The following SLAIN1 variants were observed in gnomAD, a reference collection of about 807,000 sequenced individuals.
SLAIN1 encodes SLAIN family member 1, also known as SLAIN motif-containing protein 1.
A neutral mutation model predicts 55.4 loss-of-function variants in SLAIN1; 17 were observed. The ratio of observed to expected loss-of-function variants is 0.31; its 90% confidence interval spans 0.21 to 0.46. SLAIN1 has a LOEUF of 0.46. Among genes scored for constraint, SLAIN1 ranks in the 20% least tolerant of loss-of-function variants. SLAIN1 has a pLI of 1.00. For synonymous variants in SLAIN1, 348 were observed against 337.4 expected (o/e 1.03, Z -0.35); for missense variants, 682 against 785.1 (o/e 0.87, Z 1.57).
At chr13:77,757,841 C>A (rs1210593597) in intron 5 of SLAIN1, among the ~76,000 whole-genome samples, 1 of 152,008 alleles carries the variant, frequency 6.6e-6, no homozygotes, top group Non-Finnish European at 1.5e-5. Flanking sequence ...TTGATGGGCA[C>A]TTAGGTTGGT....
intron 2 of SLAIN1, among the ~76,000 whole-genome samples, chr13:77,720,015 C>G (rs11839976): frequency 2.6e-5 from 4 of 151,756 alleles, no homozygotes; most frequent in Non-Finnish European, 5.9e-5. Context: ...TGGCTGTTTT[C>G]TAAGGCAGAA....
At chr13:77,721,000 G>T (rs1021927921) in intron 2 of SLAIN1, among the ~76,000 whole-genome samples, 4 of 152,134 alleles carry the variant, frequency 2.6e-5, no homozygotes, top group African/African-American at 9.7e-5. Flanking sequence ...GGAGGCTGTA[G>T]TATTCATTCT....
chr13:77,723,233 G>A (rs1040204206), intron 2 of SLAIN1, among the ~76,000 whole-genome samples: 7 of 152,042 alleles, frequency 4.6e-5, no homozygotes, highest in African/African-American at 2.4e-5. Context: ...TTCAGGCAGC[G>A]CCCTATTCTC....
At chr13:77,711,206 C>G (rs1417081338) in intron 1 of SLAIN1, among the ~76,000 whole-genome samples, 1 of 151,854 alleles carries the variant, frequency 6.6e-6, no homozygotes, top group African/African-American at 2.4e-5. Context: ...CAAAAGCTAG[C>G]AGACAACAAG....
intron 5 of SLAIN1, among the ~76,000 whole-genome samples, chr13:77,753,842 T>C (rs1383393665): frequency 6.6e-6 from 1 of 152,198 alleles, no homozygotes; most frequent in Admixed American, 6.6e-5. Context: ...TTTTGTCTTT[T>C]TCCCCCTAAA....
intron 2 of SLAIN1, among the ~76,000 whole-genome samples, chr13:77,724,970 A>AT (rs1413040215): frequency 6.6e-6 from 1 of 152,172 alleles, no homozygotes; most frequent in Non-Finnish European, 1.5e-5. Context: ...TTGAATATAA[A>AT]TTGCCCAAGG....
intron 1 of SLAIN1, among the ~76,000 whole-genome samples, chr13:77,710,622 G>A (rs543574232): frequency 3.4e-4 from 52 of 152,276 alleles, no homozygotes; most frequent in Non-Finnish European, 6.0e-4. Flanking sequence ...AGGAGACTTA[G>A]ACTCCCACAC....
chr13:77,752,365 A>C (rs1183606892), intron 4 of SLAIN1, among the ~76,000 whole-genome samples: 2 of 141,756 alleles, frequency 1.4e-5, no homozygotes, highest in Non-Finnish European at 3.1e-5. Flanking sequence ...CTATAAGATT[A>C]TTTTCTAACT....
At chr13:77,750,005 G>A (rs1384517803) in intron 4 of SLAIN1, among the ~76,000 whole-genome samples, 1 of 152,136 alleles carries the variant, frequency 6.6e-6, no homozygotes, top group African/African-American at 2.4e-5. Flanking sequence ...GCTTGTGAAA[G>A]ATATTCTTGG....
chr13:77,737,142 G>T (rs891540047), intron 2 of SLAIN1, among the ~76,000 whole-genome samples: 1 of 151,786 alleles, frequency 6.6e-6, no homozygotes. Context: ...ATGTGCGATG[G>T]CATCAGTGTC....
At chr13:77,719,125 C>T (rs1485749382) in intron 1 of SLAIN1, among the ~76,000 whole-genome samples, 1 of 152,038 alleles carries the variant, frequency 6.6e-6, no homozygotes, top group Non-Finnish European at 1.5e-5. Context: ...TTGTTTGTCA[C>T]ATCATGTTTA....
At chr13:77,734,711 G>T (rs1374049523) in intron 2 of SLAIN1, among the ~76,000 whole-genome samples, 2 of 152,278 alleles carry the variant, frequency 1.3e-5, no homozygotes, top group East Asian at 3.9e-4. Flanking sequence ...CTAGCTTCTA[G>T]AACATTTTCT....
intron 1 of SLAIN1, among the ~76,000 whole-genome samples, chr13:77,711,639 C>T (rs1022202718): frequency 1.3e-5 from 2 of 152,156 alleles, no homozygotes; most frequent in Non-Finnish European, 2.9e-5. Context: ...CAGATTCTAC[C>T]AGAGGTGCAA....
At chr13:77,750,635 C>T (rs774937250) in intron 4 of SLAIN1, among the ~76,000 whole-genome samples, 10 of 152,120 alleles carry the variant, frequency 6.6e-5, no homozygotes, top group Middle Eastern at 3.4e-3. Context: ...TTTGGGAATA[C>T]GAGACGTATG....
intron 1 of SLAIN1, among the ~76,000 whole-genome samples, chr13:77,717,431 C>T (rs924626036): frequency 7.9e-5 from 12 of 152,084 alleles, no homozygotes; most frequent in African/African-American, 2.7e-4. Flanking sequence ...GCAGTAAAGT[C>T]TTCTGGGCCC....
intron 1 of SLAIN1, among the ~76,000 whole-genome samples, chr13:77,717,124 A>T (rs2091215652): frequency 6.6e-6 from 1 of 152,010 alleles, no homozygotes; most frequent in African/African-American, 2.4e-5. Flanking sequence ...AGTTAATCTG[A>T]TAAGTTATAT....
chr13:77,729,664 G>A (rs1489194462), intron 2 of SLAIN1, among the ~76,000 whole-genome samples: 1 of 152,114 alleles, frequency 6.6e-6, no homozygotes, highest in African/African-American at 2.4e-5. Context: ...GGTACAGTCA[G>A]TGCTAAATAC....
chr13:77,719,300 A>C (rs1360172188), intron 1 of SLAIN1, among the ~76,000 whole-genome samples: 1 of 151,554 alleles, frequency 6.6e-6, no homozygotes, highest in Non-Finnish European at 1.5e-5. Context: ...GCTGAAACAC[A>C]CAGTTAGGGG....
chr13:77,733,408 T>C (rs151258078), intron 2 of SLAIN1, among the ~76,000 whole-genome samples: 1 of 152,308 alleles, frequency 6.6e-6, no homozygotes, highest in East Asian at 1.9e-4. Flanking sequence ...TGAGTAAAAT[T>C]GGAAGTTTAA....
Sources: gnomAD v4.1 joint callset for allele counts (sites outside exome capture counted in the v4.1 genomes callset) on GRCh38, gnomAD v4.1.1 for gene constraint, MANE v1.5 for transcripts, NCBI Gene and HGNC (gene_info 2026-07-23, HGNC 2026-07-21) for gene names.